The following ZNRF3 variants were observed in gnomAD, a reference collection of about 807,000 sequenced individuals.
ZNRF3 encodes E3 ubiquitin-protein ligase ZNRF3.
A neutral mutation model predicts 72.5 loss-of-function variants in ZNRF3; 23 were observed. The observed-to-expected ratio is 0.32, with a 90% confidence interval of 0.23 to 0.45. ZNRF3 has a LOEUF of 0.45. ZNRF3 is among the 20% of genes least tolerant of loss of function. The pLI, the probability that ZNRF3 is intolerant of heterozygous loss-of-function variation, is 1.00. For missense variants in ZNRF3, 1,169 were observed against 1,272.1 expected, an observed-to-expected ratio of 0.92 and a Z score of 1.23; for synonymous variants, 610 against 545.3, an observed-to-expected ratio of 1.12 and a Z score of -1.65.
chr22:28,960,306 C>T (rs915297256), intron 1 of ZNRF3, among the ~76,000 whole-genome samples: 2 of 152,062 alleles, frequency 1.3e-5, no homozygotes, highest in Admixed American at 6.6e-5. Flanking sequence ...CCTAAGTGTA[C>T]TGTCTCATGG....
intron 1 of ZNRF3, among the ~76,000 whole-genome samples, chr22:28,886,178 A>G (rs1284967920): frequency 6.6e-6 from 1 of 152,114 alleles, no homozygotes; most frequent in Non-Finnish European, 1.5e-5. Flanking sequence ...GCTTTCAGGG[A>G]TGTGTGTGTA....
rs150213424 is a variant in ZNRF3, at chr22:28,933,916, G to A, written c.300+49850G>A. On this transcript the variant is annotated intron_variant, in intron 1 of 8. Coordinates refer to ENST00000544604, the MANE Select transcript of ZNRF3 (RefSeq NM_001206998.2). ...TCATTAGAGTTGCTCGGTGGAGATG[G>A]AATGATGGTGGGGTGCAGTTAAACA... Among the ~76,000 whole-genome samples, 625 of 151,738 alleles carry A rather than the reference G, an allele frequency of 4.1e-3. 3 individuals are homozygous for A. Among genetic ancestry groups the A allele is most frequent in the South Asian group, 0.014 (66 of 4,758 alleles).
At chr22:28,939,820 G>T (rs1323668840) in intron 1 of ZNRF3, among the ~76,000 whole-genome samples, 1 of 152,096 alleles carries the variant, frequency 6.6e-6, no homozygotes, top group Non-Finnish European at 1.5e-5. Flanking sequence ...GGTTTTTGAA[G>T]AGTTTTTTTC....
Position 29,049,262 on chromosome 22 carries a change from A to C in ZNRF3, c.1081A>C (p.Arg361=), listed in dbSNP as rs761135905. 2.7e-5 allele frequency: 44 copies of C among 1,613,708 alleles called. 1 individual carries two copies. In the South Asian group the frequency reaches 4.2e-4, roughly 15 times the overall value. ...TSNLSRGRQQ[R]VTLPVHYPGR... is the part of the protein sequence containing the mutation. Reference sequence around the variant, plus strand: ...CAACCTCTCACGTGGTCGGCAGCAGAGGGTGACCCTGCCGGTGCATTACCC... The same window carrying C: ...CAACCTCTCACGTGGTCGGCAGCAGCGGGTGACCCTGCCGGTGCATTACCC... Residue 361 remains arginine (R), a synonymous_variant, in exon 8 of 9, where the codon AGG becomes CGG. Transcript: ENST00000544604. This position sits in a 1 kb window ranked among gnomAD's most constrained non-coding sequence, Gnocchi z 5.2.
At chr22:29,052,321 C>G (rs1188789382) in intron 8 of ZNRF3, among the ~76,000 whole-genome samples, 1 of 152,232 alleles carries the variant, frequency 6.6e-6, no homozygotes, top group Non-Finnish European at 1.5e-5. Context: ...CCACTTGGAA[C>G]CAGAGTGGCC....
At chr22:28,907,876 A>G (rs1026905828) in intron 1 of ZNRF3, among the ~76,000 whole-genome samples, 1 of 152,240 alleles carries the variant, frequency 6.6e-6, no homozygotes, top group Non-Finnish European at 1.5e-5. Context: ...TTGTCTTTGT[A>G]TAGTTACAAG....
chr22:28,953,318 C>T (rs13056243), intron 1 of ZNRF3, among the ~76,000 whole-genome samples: 20,828 of 152,218 alleles, frequency 0.14, 2,045 homozygotes, highest in East Asian at 0.43. Flanking sequence ...GAGGAGTACT[C>T]GGCCAACTCT....
At chr22:29,022,023 C>G (rs2036550790) in intron 2 of ZNRF3, among the ~76,000 whole-genome samples, 1 of 152,122 alleles carries the variant, frequency 6.6e-6, no homozygotes, top group African/African-American at 2.4e-5. Context: ...CTGCCAAACA[C>G]CAGACAACTA....
chr22:29,053,422 A>T (rs368558990), intron 8 of ZNRF3, among the ~76,000 whole-genome samples, 157 bp from the exon 9 acceptor site: 26 of 152,194 alleles, frequency 1.7e-4, no homozygotes, highest in African/African-American at 5.8e-4. Flanking sequence ...CTGTGCTCTC[A>T]GCACAAATGG....
rs376047383 is a variant in ZNRF3 at position 28,893,808 on chromosome 22, A to G, written c.300+9742A>G. On this transcript the variant is annotated intron_variant, in intron 1 of 8. Transcript: ENST00000544604. ...CCACTGTGCCCGGCCTGCCTTGGTT[A>G]TTTTCATAAGATTTCTAGAATTAGG... Among the ~76,000 whole-genome samples, 102 of 150,912 alleles carry G rather than the reference A, an allele frequency of 6.8e-4. 4 individuals are homozygous for G. The South Asian group carries it at 0.014, about 21-fold the overall frequency.
At chr22:28,918,491 C>CGTGTGTGTGTATGCACACGTGT (rs2034447307) in intron 1 of ZNRF3, among the ~76,000 whole-genome samples, 2 of 148,818 alleles carry the variant, frequency 1.3e-5, no homozygotes, top group African/African-American at 5.0e-5. Flanking sequence ...TGGGTGCGTG[C>CGTGTGTGTGTATGCACACGTGT]GTGTGTGTGT....
At chr22:29,020,981 A>G (rs1172979730) in intron 2 of ZNRF3, among the ~76,000 whole-genome samples, 3 of 152,010 alleles carry the variant, frequency 2.0e-5, no homozygotes, top group Non-Finnish European at 2.9e-5. Context: ...TATTTTTAGT[A>G]GAGATGGGGT....
At chr22:28,938,957 A>G (rs1424793654) in intron 1 of ZNRF3, among the ~76,000 whole-genome samples, 1 of 152,164 alleles carries the variant, frequency 6.6e-6, no homozygotes, top group Non-Finnish European at 1.5e-5. Flanking sequence ...GACTCTAGAT[A>G]AGGCATTTAA....
intron 2 of ZNRF3, among the ~76,000 whole-genome samples, chr22:28,998,598 T>C (rs1226839695): frequency 6.6e-6 from 1 of 152,242 alleles, no homozygotes; most frequent in Non-Finnish European, 1.5e-5. Flanking sequence ...ACAAGTTTTC[T>C]TCTAAGGTCA....
intron 2 of ZNRF3, among the ~76,000 whole-genome samples, chr22:29,035,638 T>C (rs1883197): frequency 0.55 from 82,924 of 151,920 alleles, 22,794 homozygotes; most frequent in African/African-American, 0.59. Context: ...TGCAGTGGCG[T>C]GATCTTGGCT....
At chr22:29,045,702 C>T (rs111912459) in intron 5 of ZNRF3, among the ~76,000 whole-genome samples, 3 of 152,304 alleles carry the variant, frequency 2.0e-5, no homozygotes, top group African/African-American at 7.2e-5. Flanking sequence ...GTCTCAAACT[C>T]CTAACCTCAT....
chr22:29,052,819 T>C (rs202133060), intron 8 of ZNRF3, among the ~76,000 whole-genome samples: 2 of 133,890 alleles, frequency 1.5e-5, no homozygotes, highest in African/African-American at 6.9e-5. Flanking sequence ...TAAAAAAAAA[T>C]TTAAAAAAAA....
rs1483320037 is a variant in ZNRF3 at position 29,050,614 on chromosome 22, C to T, written c.2433C>T (p.Thr811=). Residue 811 remains threonine, a synonymous_variant, in exon 8 of 9, where the codon ACC becomes ACT. Coordinates refer to ENST00000544604, the MANE Select transcript of ZNRF3 (RefSeq NM_001206998.2). ...DYSVSVQYTL[T]EEPPPGCYPG... ...CGGTGAGTGTGCAGTACACGCTCAC[C>T]GAGGAACCACCGCCCGGCTGCTACC... The T allele has an allele frequency of 2.5e-6, 4 of 1,609,886 alleles. No individual in the cohort carries two copies. Among genetic ancestry groups the T allele is most frequent in the Non-Finnish European group, 3.4e-6 (4 of 1,178,690 alleles).
At chr22:28,892,893 C>T (rs1037111831) in intron 1 of ZNRF3, among the ~76,000 whole-genome samples, 5 of 152,170 alleles carry the variant, frequency 3.3e-5, no homozygotes, top group East Asian at 1.9e-4. Context: ...AAAGAGCCGG[C>T]GCGGTGGCTC....
Sources: allele counts gnomAD v4.1 joint callset (sites outside exome capture counted in the v4.1 genomes callset), GRCh38; gene constraint gnomAD v4.1.1; non-coding constraint Gnocchi (gnomAD v3.1); transcripts MANE v1.5; gene names NCBI Gene and HGNC (gene_info 2026-07-23, HGNC 2026-07-21).